ZFPM2: variants seen among roughly 807,000 people sequenced by gnomAD.
ZFPM2 encodes the protein zinc finger protein, FOG family member 2, also known as zinc finger protein ZFPM2.
A neutral mutation model predicts 98.6 loss-of-function variants in ZFPM2; 20 were observed. The ratio of observed to expected loss-of-function variants is 0.20; its 90% CI spans 0.14 to 0.29. ZFPM2 has a LOEUF of 0.29. Ranked by LOEUF, ZFPM2 falls within the 10% of genes least tolerant of loss-of-function variation. The pLI is 1.00. For synonymous variants in ZFPM2, 518 were observed against 502.7 expected, an observed-to-expected ratio of 1.03 and a Z score of -0.41; for missense variants, 1,310 against 1,388.6, an observed-to-expected ratio of 0.94 and a Z score of 0.90.
chr8:105,348,114 T>C (rs952538243), intron 1 of ZFPM2, among the ~76,000 whole-genome samples: 5 of 152,158 alleles, frequency 3.3e-5, no homozygotes, highest in Admixed American at 2.6e-4. Flanking sequence ...GCTTGACCAT[T>C]TTGTTGGTTC....
chr8:105,656,039 C>G (rs752737848), intron 5 of ZFPM2, among the ~76,000 whole-genome samples: 3 of 152,048 alleles, frequency 2.0e-5, no homozygotes, highest in Non-Finnish European at 4.4e-5. Flanking sequence ...TTTCTAGACA[C>G]TGGAGTGACC....
rs534503440 is a variant in ZFPM2 at position 105,626,480 on chromosome 8, T to C, written c.421-7766T>C. 4.8e-4 allele frequency among the ~76,000 whole-genome samples: 73 copies of C among 152,298 alleles called. No homozygotes were observed. In the South Asian group the frequency reaches 0.015, roughly 32 times the overall value. Reference sequence around the variant, plus strand: ...CTGAAACTTTTGCTGTGTAAAATTTTGTGTGGTTGTACAAGGTCAAATCGC... The same window carrying C: ...CTGAAACTTTTGCTGTGTAAAATTTCGTGTGGTTGTACAAGGTCAAATCGC... On this transcript the variant is annotated intron_variant, in intron 4 of 7. Transcript: ENST00000407775.
At chr8:105,578,417 T>C (rs1439642564) in intron 4 of ZFPM2, among the ~76,000 whole-genome samples, 1 of 149,952 alleles carries the variant, frequency 6.7e-6, no homozygotes, top group Non-Finnish European at 1.5e-5. Flanking sequence ...TTTACTCCAG[T>C]TTCTCCAGTT....
At chr8:105,526,431 A>T (rs933849869) in intron 3 of ZFPM2, among the ~76,000 whole-genome samples, 7 of 152,176 alleles carry the variant, frequency 4.6e-5, no homozygotes, top group Non-Finnish European at 1.0e-4. Flanking sequence ...GTAAGTGCTC[A>T]AATCTGATAT....
intron 6 of ZFPM2, among the ~76,000 whole-genome samples, chr8:105,792,917 T>A (rs1393003390): frequency 6.6e-6 from 1 of 152,200 alleles, no homozygotes; most frequent in African/African-American, 2.4e-5. Flanking sequence ...TCCCTGCCTT[T>A]TTTTGTTTTC....
intron 3 of ZFPM2, among the ~76,000 whole-genome samples, chr8:105,479,554 T>C (rs1468581711): frequency 6.6e-6 from 1 of 152,218 alleles, no homozygotes; most frequent in Admixed American, 6.5e-5. Context: ...TTAGTTAAAG[T>C]CTGTCTAACC....
At chr8:105,385,628 C>A (rs1272817764) in intron 1 of ZFPM2, among the ~76,000 whole-genome samples, 2 of 152,186 alleles carry the variant, frequency 1.3e-5, no homozygotes, top group Admixed American at 6.5e-5. Context: ...CTGAGAAAGG[C>A]AGGTTGTAAA....
chr8:105,510,459 CTT>C (rs1181682380), intron 3 of ZFPM2, among the ~76,000 whole-genome samples: 3 of 146,230 alleles, frequency 2.1e-5, no homozygotes, highest in African/African-American at 5.0e-5. Flanking sequence ...GGAATCTTCT[CTT>C]GGAGATGATT....
At chr8:105,373,468 A>T (rs1383399799) in intron 1 of ZFPM2, among the ~76,000 whole-genome samples, 1 of 152,166 alleles carries the variant, frequency 6.6e-6, no homozygotes, top group Non-Finnish European at 1.5e-5. Context: ...TCTTAAAGGC[A>T]TCTGATGGAG....
At chr8:105,511,296 C>A (rs537520348) in intron 3 of ZFPM2, among the ~76,000 whole-genome samples, 2 of 152,348 alleles carry the variant, frequency 1.3e-5, no homozygotes, top group African/African-American at 4.8e-5. Context: ...AGGAAAGATT[C>A]CAATCAGCCT....
At chr8:105,426,329 TG>T (rs1292134733) in intron 2 of ZFPM2, among the ~76,000 whole-genome samples, 2 of 152,198 alleles carry the variant, frequency 1.3e-5, no homozygotes, top group African/African-American at 4.8e-5. Flanking sequence ...AGGAACTGTT[TG>T]TGCAAATCGC....
At chr8:105,747,548 A>T (rs1374594469) in intron 5 of ZFPM2, among the ~76,000 whole-genome samples, 1 of 152,072 alleles carries the variant, frequency 6.6e-6, no homozygotes, top group Non-Finnish European at 1.5e-5. Flanking sequence ...AAACAGGAAA[A>T]CACACTAGCT....
intron 4 of ZFPM2, among the ~76,000 whole-genome samples, chr8:105,618,759 A>C (rs2130812030): frequency 1.3e-5 from 2 of 152,248 alleles, no homozygotes; most frequent in South Asian, 4.1e-4. Context: ...AACTTGCCCA[A>C]GGCTATACAG....
intron 1 of ZFPM2, among the ~76,000 whole-genome samples, chr8:105,392,821 T>G (rs1266302179): frequency 6.6e-6 from 1 of 152,224 alleles, no homozygotes; most frequent in Non-Finnish European, 1.5e-5. Flanking sequence ...TTTCTTAATC[T>G]ATAAGTGAGA....
intron 5 of ZFPM2, among the ~76,000 whole-genome samples, chr8:105,700,882 C>T (rs371168810): frequency 1.3e-5 from 2 of 152,304 alleles, no homozygotes; most frequent in East Asian, 1.9e-4. Flanking sequence ...TGAGCCACTG[C>T]GCCCAGCCAT....
chr8:105,798,011 C>T (rs1426935093), intron 6 of ZFPM2: 1 of 152,076 alleles, frequency 6.6e-6, no homozygotes, highest in African/African-American at 2.4e-5. Context: ...GTAGCCACTC[C>T]GTATTTACTG....
chr8:105,610,393 ACTGTGGTGCTGACAGGG>A (rs1352826689), intron 4 of ZFPM2, among the ~76,000 whole-genome samples: 1 of 152,124 alleles, frequency 6.6e-6, no homozygotes, highest in Non-Finnish European at 1.5e-5. Flanking sequence ...TGATATTGGA[ACTGTGGTGCTGACAGGG>A]CTCTTTGAAA....
At chr8:105,556,581 G>A (rs991786293) in intron 3 of ZFPM2, among the ~76,000 whole-genome samples, 8 of 151,926 alleles carry the variant, frequency 5.3e-5, no homozygotes, top group Admixed American at 4.6e-4. Flanking sequence ...CCATTCCAGC[G>A]TGTATCCCGG....
intron 1 of ZFPM2, among the ~76,000 whole-genome samples, chr8:105,328,461 G>T (rs189983885): frequency 5.5e-4 from 84 of 151,790 alleles, no homozygotes; most frequent in Admixed American, 1.6e-3. Flanking sequence ...ATTATAGAAC[G>T]AATATCTGCT....
Sources: allele counts gnomAD v4.1 joint callset (sites outside exome capture counted in the v4.1 genomes callset), GRCh38; gene constraint gnomAD v4.1.1; transcripts MANE v1.5; gene names NCBI Gene and HGNC (gene_info 2026-07-23, HGNC 2026-07-21).